Variants in CCNT2 observed in about 807,000 individuals in gnomAD.
The protein encoded by CCNT2 is cyclin-T2.
A neutral mutation model predicts 70.0 loss-of-function variants in CCNT2; 18 were observed. That is an observed-to-expected ratio of 0.26 (90% CI 0.18 to 0.38). CCNT2 has a LOEUF of 0.38. Ranked by LOEUF, CCNT2 falls within the 10% of genes least tolerant of loss-of-function variation. The pLI is 1.00. For synonymous variants in CCNT2, 334 were observed against 313.3 expected (o/e 1.07, Z -0.70); for missense variants, 734 against 890.2 (o/e 0.82, Z 2.23).
intron 1 of CCNT2, 42 bp from the exon 2 acceptor site, chr2:134,919,768 G>T: frequency 6.8e-7 from 1 of 1,461,624 alleles, no homozygotes; most frequent in Non-Finnish European, 9.5e-7. Flanking sequence ...CTGGGAATGA[G>T]ATCTTGCTTT....
At chr2:134,935,253 C>A (rs1364548016) in intron 2 of CCNT2, among the ~76,000 whole-genome samples, 1 of 152,164 alleles carries the variant, frequency 6.6e-6, no homozygotes, top group South Asian at 2.1e-4. Flanking sequence ...ATTATTCACT[C>A]ATTTTAAGTT....
Position 134,928,071 on chromosome 2 carries a change from AG to A in CCNT2, c.240+8181del, listed in dbSNP as rs533597315. ...GTGCTTAGTGACAATATGCAGTTCA[AG>A]CAATTCTCCTGCCTCAGCCTCTCAA... is the stretch of plus-strand genomic sequence containing the variant. On this transcript the variant is annotated intron_variant, in intron 2 of 8. Coordinates refer to ENST00000264157, the MANE Select transcript of CCNT2 (RefSeq NM_058241.3). 3.4e-4 allele frequency among the ~76,000 whole-genome samples: 52 copies of A among 152,302 alleles called. 1 individual carries two copies. The highest frequency in any genetic ancestry group is 1.2e-3 in the African/African-American group (49 of 41,576).
At chr2:134,928,493 G>A (rs1294841091) in intron 2 of CCNT2, among the ~76,000 whole-genome samples, 1 of 151,654 alleles carries the variant, frequency 6.6e-6, no homozygotes, top group Non-Finnish European at 1.5e-5. Context: ...GGTCAGGCTG[G>A]TCTAGAACTC....
intron 7 of CCNT2, among the ~76,000 whole-genome samples, chr2:134,951,497 T>G (rs2105085669): frequency 6.6e-6 from 1 of 152,262 alleles, no homozygotes; most frequent in East Asian, 1.9e-4. Flanking sequence ...AGTTTGCTAA[T>G]ATATTAATAG....
chr2:134,947,637 G>T, intron 6 of CCNT2, 99 bp from the exon 7 acceptor site: 1 of 775,938 alleles, frequency 1.3e-6, no homozygotes, highest in Non-Finnish European at 1.9e-6. Context: ...CTTAAAGATA[G>T]AGTTTAAATT....
chr2:134,935,265 A>G (rs1053187671), intron 2 of CCNT2, among the ~76,000 whole-genome samples: 1 of 152,260 alleles, frequency 6.6e-6, no homozygotes, highest in Non-Finnish European at 1.5e-5. Flanking sequence ...TTTTAAGTTA[A>G]CATTATTTCT....
intron 7 of CCNT2, among the ~76,000 whole-genome samples, 154 bp downstream of exon 7, chr2:134,948,053 C>CTCAT (rs1283683272): frequency 2.6e-5 from 4 of 152,112 alleles, no homozygotes; most frequent in African/African-American, 9.7e-5. Flanking sequence ...GGAAGCTGTG[C>CTCAT]TCATACCTGT....
At position 134,936,980 on chromosome 2, in the gene CCNT2, A is replaced by G; in HGVS notation, c.369+11A>G. 1 of 1,581,044 alleles carries G rather than the reference A, an allele frequency of 6.3e-7. No homozygotes were observed. The highest frequency in any genetic ancestry group is 8.6e-7 in the Non-Finnish European group (1 of 1,162,376). On this transcript the variant is annotated intron_variant, in intron 3 of 8. Coordinates refer to ENST00000264157, the MANE Select transcript of CCNT2 (RefSeq NM_058241.3). ...GATACTAAATGTGATGTATGTAAAT[A>G]CTGGGTTTTTTATTTTTCTTTGTAA...
At chr2:134,947,664 G>C (rs1032503925) in intron 6 of CCNT2, 72 bp from the exon 7 acceptor site, 30 of 1,178,014 alleles carry the variant, frequency 2.5e-5, no homozygotes, top group Non-Finnish European at 3.4e-5. Flanking sequence ...TAATCTTACT[G>C]GTAAATGTTT....
At chr2:134,950,341 T>C (rs956428881) in intron 7 of CCNT2, among the ~76,000 whole-genome samples, 3 of 152,080 alleles carry the variant, frequency 2.0e-5, no homozygotes, top group Non-Finnish European at 4.4e-5. Flanking sequence ...TGCAGCAGCT[T>C]TTTTTTCTGT....
chr2:134,945,635 G>T (rs1272626743), intron 5 of CCNT2: 1 of 985,250 alleles, frequency 1.0e-6, no homozygotes, highest in African/African-American at 1.7e-5. Flanking sequence ...TCTGTGTTTT[G>T]TGGGGTGGGG....
At chr2:134,947,971 G>A in intron 7 of CCNT2, 72 bp downstream of exon 7, 1 of 822,374 alleles carries the variant, frequency 1.2e-6, no homozygotes, top group Non-Finnish European at 1.8e-6. Context: ...ACAATAGAAA[G>A]TGTCAGTACA....
rs1682711516 is a variant in CCNT2 at position 134,953,772 on chromosome 2, T to C, written c.1317T>C (p.Tyr439=). The C allele has an allele frequency of 3.7e-6, 6 of 1,614,068 alleles. No homozygotes were observed. The highest frequency in any genetic ancestry group is 4.2e-6 in the Non-Finnish European group (5 of 1,180,012). ...IIPQKMSLDK[Y]REKRKLETLD... ...CTCAGAAAATGTCTTTAGATAAATA[T>C]AGAGAAAAGCGTAAACTAGAAACTC... The change falls in exon 9 of 9, where the codon TAT becomes TAC. Residue 439 remains tyrosine, a synonymous_variant. Coordinates refer to ENST00000264157, the MANE Select transcript of CCNT2 (RefSeq NM_058241.3).
intron 2 of CCNT2, among the ~76,000 whole-genome samples, chr2:134,936,481 C>A (rs542928706): frequency 6.6e-6 from 1 of 152,038 alleles, no homozygotes; most frequent in Non-Finnish European, 1.5e-5. Context: ...GGGCTGGGTA[C>A]AGGGGCTTAT....
chr2:134,920,019 A>T (rs1372736505), intron 2 of CCNT2, 128 bp downstream of exon 2: 1 of 588,190 alleles, frequency 1.7e-6, no homozygotes, highest in Non-Finnish European at 3.0e-6. Flanking sequence ...TCACGTGATA[A>T]ATATTTTGCT....
At chr2:134,947,937 C>CT (rs759380383) in intron 7 of CCNT2, 38 bp downstream of exon 7, 3 of 1,249,898 alleles carry the variant, frequency 2.4e-6, no homozygotes, top group Non-Finnish European at 3.3e-6. Flanking sequence ...TTGGAATTAT[C>CT]TAAGTTGGCA....
intron 2 of CCNT2, among the ~76,000 whole-genome samples, chr2:134,925,351 AAAGT>A (rs1217712813): frequency 1.3e-5 from 2 of 152,178 alleles, no homozygotes; most frequent in African/African-American, 4.8e-5. Context: ...TCACCCATTG[AAAGT>A]ATGATTCCGT....
At chr2:134,940,069 G>T (rs1223709403) in intron 4 of CCNT2, among the ~76,000 whole-genome samples, 2 of 152,118 alleles carry the variant, frequency 1.3e-5, no homozygotes, top group East Asian at 3.9e-4. Context: ...TTCTGTAGAG[G>T]TGGAATAGTA....
intron 2 of CCNT2, among the ~76,000 whole-genome samples, chr2:134,934,376 A>G (rs553380842): frequency 3.0e-4 from 46 of 152,324 alleles, no homozygotes; most frequent in African/African-American, 1.1e-3. Flanking sequence ...GCTTGAACCA[A>G]GCTTGCATGT....
Sources: allele counts gnomAD v4.1 joint callset (sites outside exome capture counted in the v4.1 genomes callset), GRCh38; gene constraint gnomAD v4.1.1; transcripts MANE v1.5; gene names NCBI Gene and HGNC (gene_info 2026-07-23, HGNC 2026-07-21).